Variants in AXIN2 observed in about 807,000 individuals in gnomAD.
AXIN2 encodes axin 2, also known as axin-2.
A neutral mutation model predicts 74.7 loss-of-function variants in AXIN2; 21 were observed. The ratio of observed to expected loss-of-function variants is 0.28; its 90% CI spans 0.20 to 0.40. The LOEUF is 0.40. Among genes scored for constraint, AXIN2 ranks in the 10% least tolerant of loss-of-function variants. The probability of loss-of-function intolerance (pLI) is 1.00; values close to 1 mark genes in which losing one functional copy is unlikely to be tolerated. For missense variants in AXIN2, 1,144 were observed against 1,111.1 expected (o/e 1.03, Z -0.42); for synonymous variants, 532 against 454.9 (o/e 1.17, Z -2.16).
At chr17:65,530,789 C>T (rs1408435725) in intron 10 of AXIN2, among the ~76,000 whole-genome samples, 3 of 152,228 alleles carry the variant, frequency 2.0e-5, no homozygotes, top group African/African-American at 7.2e-5. Flanking sequence ...GGCCTCTTCT[C>T]CCATCCCATC....
chr17:65,553,582 A>G (rs2044223446), intron 2 of AXIN2, among the ~76,000 whole-genome samples: 1 of 152,160 alleles, frequency 6.6e-6, no homozygotes. Flanking sequence ...ATCCCAAAAT[A>G]AACTTGTCTC....
At chr17:65,541,578 G>T in intron 3 of AXIN2, 21 bp from the exon 4 acceptor site, 2 of 1,592,132 alleles carry the variant, frequency 1.3e-6, no homozygotes, top group South Asian at 1.1e-5. Flanking sequence ...GGAAAAGACA[G>T]AATCCACAGG....
At chr17:65,539,450 G>T (rs1284931306) in intron 4 of AXIN2, among the ~76,000 whole-genome samples, 2 of 152,144 alleles carry the variant, frequency 1.3e-5, no homozygotes, top group Non-Finnish European at 2.9e-5. Flanking sequence ...GGAGAAAGTC[G>T]ATTTGCACAC....
intron 3 of AXIN2, 22 bp from the exon 4 acceptor site, chr17:65,541,579 A>G: frequency 6.3e-7 from 1 of 1,592,984 alleles, no homozygotes; most frequent in Middle Eastern, 1.7e-4. Context: ...GAAAAGACAG[A>G]ATCCACAGGC....
chr17:65,532,796 C>T (rs886757271), intron 10 of AXIN2, among the ~76,000 whole-genome samples: 2 of 152,246 alleles, frequency 1.3e-5, no homozygotes, highest in African/African-American at 4.8e-5. Context: ...CGGGTTCACA[C>T]CTGGGAATAG....
At position 65,558,407 on chromosome 17, in the gene AXIN2, C is replaced by G. The variant is rs747599888; in HGVS notation, c.214G>C (p.Asp72His). Residue 72 changes from aspartate to histidine, a missense_variant, in exon 2 of 11, where the codon GAT becomes CAT. Physicochemically the swap from Asp to His is moderately conservative, Grantham distance 81. Coordinates refer to ENST00000307078, the MANE Select transcript of AXIN2 (RefSeq NM_004655.4). ...LGEPEGRASP[D>H]SPLTRWTKSL... Reference sequence around the variant, plus strand: ...TTGGTCCACCGGGTCAGAGGGGAATCCGGAGATGCCCGCCCCTCCGGCTCC... The same window carrying G: ...TTGGTCCACCGGGTCAGAGGGGAATGCGGAGATGCCCGCCCCTCCGGCTCC... 6.2e-7 allele frequency: 1 copy of G among 1,602,970 alleles called. No individual in the cohort carries two copies. The highest frequency in any genetic ancestry group is 1.7e-5 in the Admixed American group (1 of 59,530).
At chr17:65,547,013 C>T (rs925226970) in intron 3 of AXIN2, among the ~76,000 whole-genome samples, 1 of 152,194 alleles carries the variant, frequency 6.6e-6, no homozygotes, top group African/African-American at 2.4e-5. Context: ...AGAATAGGGA[C>T]TGGCAAAGGT....
chr17:65,529,506 T>G lies in AXIN2; in HGVS notation c.*470A>C. 1 of 317,464 alleles carries G rather than the reference T, an allele frequency of 3.1e-6. No individual in the cohort carries two copies. The highest frequency in any genetic ancestry group is 4.6e-5 in the Admixed American group (1 of 21,718). The allele number at this position is 317,464 out of a possible 1,614,324, so 19.7% of individuals were successfully genotyped here. A position where few individuals can be genotyped will look rare whatever the true frequency, so the allele number is the denominator to read the frequency against. On this transcript the variant is annotated 3_prime_UTR_variant, in exon 11 of 11. Transcript: ENST00000307078. ...ATGAACGCACTCCTAGCTCAACTCC[T>G]AAGTTTAGTCAGAACAATTAAAACT... is the stretch of plus-strand genomic sequence containing the variant.
At chr17:65,532,531 T>G (rs191345781) in intron 10 of AXIN2, among the ~76,000 whole-genome samples, 50 of 152,346 alleles carry the variant, frequency 3.3e-4, no homozygotes, top group African/African-American at 1.2e-3. Context: ...CACGCCCTGC[T>G]GGCCAGTTAC....
chr17:65,556,083 T>C (rs1276861530), intron 2 of AXIN2, among the ~76,000 whole-genome samples: 1 of 152,174 alleles, frequency 6.6e-6, no homozygotes, highest in African/African-American at 2.4e-5. Context: ...AGTTGCATCC[T>C]GGTAATATCC....
chr17:65,557,885 T>C lies in AXIN2; in HGVS notation c.736A>G (p.Thr246Ala), dbSNP rs1555583222. Residue 246 changes from threonine to alanine, a missense_variant, in exon 2 of 11, where the codon ACC becomes GCC. Transcript: ENST00000307078. Reference protein sequence around the residue: ...CADFKCKLSPTVVGLSSKTLR... With the variant: ...CADFKCKLSPAVVGLSSKTLR... ...GTTTTGCTGGACAAGCCAACCACGG[T>C]TGGCGAAAGTTTGCACTTGAAGTCG... 2 of 1,614,182 alleles carry C rather than the reference T, an allele frequency of 1.2e-6. No homozygotes were observed. The highest frequency in any genetic ancestry group is 1.1e-5 in the South Asian group (1 of 91,078).
In AXIN2 at chr17:65,536,875, G is replaced by C. The variant is rs373042042; in HGVS notation, c.1901C>G (p.Pro634Arg). The C allele has an allele frequency of 2.5e-5, 40 of 1,613,076 alleles. No homozygotes were observed. The highest frequency in any genetic ancestry group is 1.8e-4 in the Middle Eastern group (1 of 5,434). Residue 634 changes from proline (P) to arginine (R), a missense_variant, in exon 7 of 11, where the codon CCC becomes CGC. By Grantham distance (103) the Pro-to-Arg change is moderately radical (BLOSUM62 -2). This residue lies in a region of AXIN2 where 1,053 missense variants were observed against 973.5 expected (regional missense o/e 1.08). Transcript: ENST00000307078. The stretch of plus-strand genomic sequence containing the variant: ...GGCGGCAAGCGGTGTTTACCTATGG[G>C]GCTTGGGCTTGCTCTGCCGCTCACT... ...LESERQSKPK[P>R]HSAQSTKKAY... is the part of the protein sequence containing the mutation.
intron 3 of AXIN2, among the ~76,000 whole-genome samples, chr17:65,542,209 C>T (rs1198075741): frequency 2.0e-5 from 3 of 152,200 alleles, no homozygotes; most frequent in Non-Finnish European, 4.4e-5. Flanking sequence ...TTCAAAGACA[C>T]ATGACCAATG....
intron 1 of AXIN2, among the ~76,000 whole-genome samples, chr17:65,559,105 C>T (rs186511313): frequency 6.6e-6 from 1 of 152,168 alleles, no homozygotes; most frequent in Non-Finnish European, 1.5e-5. Flanking sequence ...CGCGCCTCGC[C>T]TTCCCTCCCT....
rs1567769132 is a variant in AXIN2, at chr17:65,558,267, C to T, written c.354G>A (p.Arg118=). Residue 118 remains arginine, a synonymous_variant, in exon 2 of 11, where the codon AGG becomes AGA. Coordinates refer to ENST00000307078, the MANE Select transcript of AXIN2 (RefSeq NM_004655.4). ...LDFWFACNGF[R]QMNLKDTKTL... ...TTTTGGTATCCTTCAGGTTCATCTG[C>T]CTGAATCCATTGCAGGCAAACCAGA... The T allele has an allele frequency of 2.5e-6, 4 of 1,614,136 alleles. No homozygotes were observed. Among genetic ancestry groups the T allele is most frequent in the Non-Finnish European group, 2.5e-6 (3 of 1,180,020 alleles).
chr17:65,543,164 G>C (rs2044067535), intron 3 of AXIN2, among the ~76,000 whole-genome samples: 1 of 152,148 alleles, frequency 6.6e-6, no homozygotes, highest in Admixed American at 6.6e-5. Context: ...AGTATCCAGA[G>C]CAACAACTTA....
intron 3 of AXIN2, among the ~76,000 whole-genome samples, chr17:65,544,820 C>T (rs1201976043): frequency 1.3e-5 from 2 of 152,190 alleles, no homozygotes; most frequent in Non-Finnish European, 2.9e-5. Flanking sequence ...CCTTTTGACT[C>T]CACCGTGCCC....
At chr17:65,541,236 A>G (rs745913705) in intron 4 of AXIN2, among the ~76,000 whole-genome samples, 55 of 152,276 alleles carry the variant, frequency 3.6e-4, no homozygotes, top group Non-Finnish European at 5.1e-4. Flanking sequence ...AGCAAAACTG[A>G]CTGATACCTC....
At position 65,549,598 on chromosome 17, in the gene AXIN2, G is replaced by A. The variant is rs1060502154; in HGVS notation, c.878C>T (p.Pro293Leu). 6.2e-7 allele frequency: 1 copy of A among 1,606,936 alleles called. No individual in the cohort carries two copies. The highest frequency in any genetic ancestry group is 8.5e-7 in the Non-Finnish European group (1 of 1,176,582). ...YHIGSGYVFA[P>L]ATSANDSEIS... Reference sequence around the variant, plus strand: ...CTCACTGTCGTTGGCGCTGGTGGCTGGTGCAAAGACATAGCCAGAACCTAT... The same window carrying A: ...CTCACTGTCGTTGGCGCTGGTGGCTAGTGCAAAGACATAGCCAGAACCTAT... The change falls in exon 3 of 11, where the codon CCA becomes CTA. Residue 293 changes from proline (P) to leucine (L), a missense_variant. Pro to Leu is a moderately conservative substitution (Grantham distance 98, BLOSUM62 -3). Coordinates refer to ENST00000307078, the MANE Select transcript of AXIN2 (RefSeq NM_004655.4).
Sources: gnomAD v4.1 joint callset for allele counts (sites outside exome capture counted in the v4.1 genomes callset) on GRCh38, gnomAD v4.1.1 for gene constraint, gnomAD v4.1.1 regional missense constraint, MANE v1.5 for transcripts, NCBI Gene and HGNC (gene_info 2026-07-23, HGNC 2026-07-21) for gene names.